CDIP1: variants seen among roughly 807,000 people sequenced by gnomAD.
CDIP1 encodes cell death-inducing p53-target protein 1.
Under a neutral mutation model 17.7 loss-of-function variants are expected in CDIP1, and 9 were observed. The ratio of observed to expected loss-of-function variants is 0.51; its 90% CI spans 0.31 to 0.89. CDIP1 has a LOEUF of 0.89. Among genes scored for constraint, CDIP1 ranks in the 40% least tolerant of loss-of-function variants. The probability of loss-of-function intolerance (pLI) is 0.05; values close to 1 mark genes in which losing one functional copy is unlikely to be tolerated. For missense variants in CDIP1, 263 were observed against 277.9 expected, an observed-to-expected ratio of 0.95 and a Z score of 0.38; for synonymous variants, 117 against 109.5, an observed-to-expected ratio of 1.07 and a Z score of -0.43.
chr16:4,537,672 G>A lies in CDIP1; in HGVS notation c.-105+1030C>T, dbSNP rs551625178. On this transcript the variant is annotated intron_variant, in intron 1 of 5. Transcript: ENST00000567695. The stretch of plus-strand genomic sequence containing the variant: ...AATGCAGATTCCTGGGCAGCGCGAC[G>A]GAACTACAGCATCCCAACACCTGGG... Among the ~76,000 whole-genome samples, 56 of 152,318 alleles carry A rather than the reference G, an allele frequency of 3.7e-4. 1 individual carries two copies. The highest frequency in any genetic ancestry group is 3.2e-3 in the Admixed American group (49 of 15,302).
intron 1 of CDIP1, among the ~76,000 whole-genome samples, chr16:4,516,013 G>A (rs1053905609): frequency 6.6e-6 from 1 of 152,232 alleles, no homozygotes; most frequent in Middle Eastern, 3.4e-3. Context: ...TAGCCAAAAA[G>A]TGGAAACAAC....
At chr16:4,534,032 C>T (rs1452254741) in intron 1 of CDIP1, among the ~76,000 whole-genome samples, 2 of 152,040 alleles carry the variant, frequency 1.3e-5, no homozygotes, top group Non-Finnish European at 2.9e-5. Context: ...CTAGCTGCAA[C>T]CCCCAACTCC....
rs905120000 is a variant in CDIP1, at chr16:4,513,384, C to A, written c.241+312G>T. ...CAAGGACAGGGCACTCAGCCTCAAG[C>A]CCATGACCAAGAGAGGGAAAGCCTT... On this transcript the variant is annotated intron_variant, in intron 4 of 5. Transcript: ENST00000567695. The surrounding 1 kb of genome is among the most constrained non-coding windows in gnomAD (Gnocchi z 4.1). Among the ~76,000 whole-genome samples, 1 of 152,198 alleles carries A rather than the reference C, an allele frequency of 6.6e-6. No homozygotes were observed. The highest frequency in any genetic ancestry group is 1.5e-5 in the Non-Finnish European group (1 of 68,022).
chr16:4,533,635 G>C (rs1321366176), intron 1 of CDIP1: 1 of 152,180 alleles, frequency 6.6e-6, no homozygotes, highest in African/African-American at 2.4e-5. Context: ...GAAGAGTCTG[G>C]ACTTGGACCA....
chr16:4,518,369 G>A (rs1444418128), intron 1 of CDIP1, among the ~76,000 whole-genome samples: 3 of 152,210 alleles, frequency 2.0e-5, no homozygotes, highest in Non-Finnish European at 4.4e-5. Flanking sequence ...ACCCAACCTG[G>A]GTACAGAAAA....
At position 4,513,953 on chromosome 16, in the gene CDIP1, A is replaced by G; in HGVS notation, c.85+93T>C. ...GGGACACAGATGGGGCCCAGGGGTA[A>G]CCCTGGAGTGGGCATCACCACTTAG... On this transcript the variant is annotated intron_variant, in intron 3 of 5. Coordinates refer to ENST00000567695, the MANE Select transcript of CDIP1 (RefSeq NM_013399.3). The surrounding 1 kb of genome is among the most constrained non-coding windows in gnomAD (Gnocchi z 4.1). 1 of 1,345,526 alleles carries G rather than the reference A, an allele frequency of 7.4e-7. No homozygotes were observed. 83.3% of individuals were successfully genotyped at this position (1,345,526 alleles called of 1,614,324 possible). A position where few individuals can be genotyped will look rare whatever the true frequency, so the allele number is the denominator to read the frequency against.
intron 1 of CDIP1, among the ~76,000 whole-genome samples, chr16:4,528,035 C>T (rs763230675): frequency 1.3e-5 from 2 of 152,132 alleles, no homozygotes; most frequent in Non-Finnish European, 2.9e-5. Context: ...AGGCTGGTGT[C>T]GAACTCTTGA....
intron 1 of CDIP1, among the ~76,000 whole-genome samples, chr16:4,531,612 G>A (rs556016958): frequency 6.6e-6 from 1 of 152,234 alleles, no homozygotes; most frequent in African/African-American, 2.4e-5. Context: ...GCAAGCAGTG[G>A]CACAGAGTGG....
chr16:4,516,788 A>G, intron 1 of CDIP1, among the ~76,000 whole-genome samples: 1 of 141,666 alleles, frequency 7.1e-6, no homozygotes. Context: ...GCTCACTGCA[A>G]CGTCTGCCTC....
rs2058850543 is a variant in CDIP1 at position 4,513,116 on chromosome 16, CCAGA to C, written c.242-56_242-53del. On this transcript the variant is annotated intron_variant, in intron 4 of 5. Coordinates refer to ENST00000567695, the MANE Select transcript of CDIP1 (RefSeq NM_013399.3). The surrounding 1 kb of genome is among the most constrained non-coding windows in gnomAD (Gnocchi z 4.1). ...AGAGGTCACTGGCCTGCCACCTGCACCAGACAAAGAGATTGGCGCAAAGCCCCAC... is the reference window on the plus strand; with the variant it reads ...AGAGGTCACTGGCCTGCCACCTGCACCAAAGAGATTGGCGCAAAGCCCCAC... 2 of 1,499,800 alleles carry C rather than the reference CCAGA, an allele frequency of 1.3e-6. No homozygotes were observed. The highest frequency in any genetic ancestry group is 1.4e-5 in the African/African-American group (1 of 72,472). 92.9% of individuals were successfully genotyped at this position (1,499,800 alleles called of 1,614,324 possible).
Position 4,514,293 on chromosome 16 carries a change from C to T in CDIP1, c.-14-149G>A. The T allele has an allele frequency of 5.4e-6, 3 of 559,056 alleles. No homozygotes were observed. Among genetic ancestry groups the T allele is most frequent in the Non-Finnish European group, 9.5e-6 (3 of 315,362 alleles). The allele number at this position is 559,056 out of a possible 1,614,324, so 34.6% of individuals were successfully genotyped here. On this transcript the variant is annotated intron_variant, in intron 2 of 5. Transcript: ENST00000567695. This position sits in a 1 kb window ranked among gnomAD's most constrained non-coding sequence, Gnocchi z 5.2. ...CAGGCACTGGGGATCCCCCACCTTT[C>T]CCAGGGCCACCTAGCCCAGAGCCAC...
intron 1 of CDIP1, among the ~76,000 whole-genome samples, chr16:4,519,718 C>T (rs796363728): frequency 7.2e-5 from 11 of 152,180 alleles, no homozygotes; most frequent in East Asian, 5.8e-4. Context: ...GGAGGAGAAG[C>T]GAGTGACTTC....
intron 1 of CDIP1, among the ~76,000 whole-genome samples, chr16:4,528,097 A>C (rs560836659): frequency 5.4e-4 from 83 of 152,316 alleles, no homozygotes; most frequent in African/African-American, 1.7e-3. Flanking sequence ...AATTACAAGC[A>C]TGAGCCACCA....
intron 1 of CDIP1, among the ~76,000 whole-genome samples, chr16:4,528,614 G>A (rs2059024253): frequency 6.7e-6 from 1 of 150,352 alleles, no homozygotes; most frequent in African/African-American, 2.5e-5. Context: ...CCAGGAGGTG[G>A]AGGCTGCAGT....
At chr16:4,529,289 C>T (rs2059031002) in intron 1 of CDIP1, among the ~76,000 whole-genome samples, 1 of 152,158 alleles carries the variant, frequency 6.6e-6, no homozygotes, top group South Asian at 2.1e-4. Flanking sequence ...CGCCAGGAGA[C>T]CCAGCAGGAG....
intron 1 of CDIP1, among the ~76,000 whole-genome samples, chr16:4,530,546 G>A (rs914782285): frequency 2.6e-5 from 4 of 152,114 alleles, no homozygotes; most frequent in South Asian, 2.1e-4. Flanking sequence ...CTACTCGGGA[G>A]GCTGAGGCAG....
At chr16:4,534,547 G>T (rs1374270585) in intron 1 of CDIP1, among the ~76,000 whole-genome samples, 1 of 152,180 alleles carries the variant, frequency 6.6e-6, no homozygotes, top group African/African-American at 2.4e-5. Flanking sequence ...AGACACTCTG[G>T]CTGCTGCCTC....
At position 4,514,470 on chromosome 16, in the gene CDIP1, T is replaced by G. The variant is rs2058868614; in HGVS notation, c.-15+105A>C. ...ACGAGAGCAGTTTGGCACCGAGCTC[T>G]CCCCTCCCCAAACGTTTAGCGGGCA... is the stretch of plus-strand genomic sequence containing the variant. On this transcript the variant is annotated intron_variant, in intron 2 of 5. Coordinates refer to ENST00000567695, the MANE Select transcript of CDIP1 (RefSeq NM_013399.3). The surrounding 1 kb of genome is among the most constrained non-coding windows in gnomAD (Gnocchi z 5.2). The G allele has an allele frequency of 1.0e-5, 3 of 295,356 alleles. No individual in the cohort carries two copies. Among genetic ancestry groups the G allele is most frequent in the Middle Eastern group, 1.9e-3 (2 of 1,066 alleles). The allele number at this position is 295,356 out of a possible 1,614,324, so 18.3% of individuals were successfully genotyped here. A position where few individuals can be genotyped will look rare whatever the true frequency, so the allele number is the denominator to read the frequency against.
At chr16:4,519,325 T>C (rs2058920649) in intron 1 of CDIP1, among the ~76,000 whole-genome samples, 1 of 152,222 alleles carries the variant, frequency 6.6e-6, no homozygotes, top group Non-Finnish European at 1.5e-5. Context: ...GGACACCAGG[T>C]GGACGTCTTC....
Sources: allele counts gnomAD v4.1 joint callset (sites outside exome capture counted in the v4.1 genomes callset), GRCh38; gene constraint gnomAD v4.1.1; non-coding constraint Gnocchi (gnomAD v3.1); transcripts MANE v1.5; gene names NCBI Gene and HGNC (gene_info 2026-07-23, HGNC 2026-07-21).